The following RAB3IL1 variants were observed in gnomAD, a reference collection of about 807,000 sequenced individuals.
The protein encoded by RAB3IL1 is guanine nucleotide exchange factor for Rab-3A.
Under a neutral mutation model 49.2 loss-of-function variants are expected in RAB3IL1, and 37 were observed. The observed-to-expected ratio is 0.75, with a 90% CI of 0.58 to 0.99. RAB3IL1 has a LOEUF of 0.99. RAB3IL1 is among the 50% of genes least tolerant of loss of function. The probability of loss-of-function intolerance (pLI) is 0.00; values close to 1 mark genes in which losing one functional copy is unlikely to be tolerated. For synonymous variants in RAB3IL1, 193 were observed against 213.9 expected, an observed-to-expected ratio of 0.90 and a Z score of 0.85; for missense variants, 484 against 513.0, an observed-to-expected ratio of 0.94 and a Z score of 0.55.
intron 8 of RAB3IL1, 85 bp from the exon 9 acceptor site, chr11:61,899,465 G>GC (rs1938792386): frequency 7.4e-7 from 1 of 1,355,446 alleles, no homozygotes; most frequent in East Asian, 2.4e-5. Flanking sequence ...AGAGCAGGAG[G>GC]CCCCAGGTCC....
At chr11:61,899,030 A>T (rs1938759580) in intron 9 of RAB3IL1, 1 of 545,264 alleles carries the variant, frequency 1.8e-6, no homozygotes, top group Non-Finnish European at 3.5e-6. Context: ...GACCAGGAGG[A>T]GGGGCCACCA....
the RAB3IL1 span, among the ~76,000 whole-genome samples, chr11:61,941,937 A>G: frequency 6.6e-6 from 1 of 152,154 alleles, no homozygotes; most frequent in Admixed American, 6.6e-5. Context: ...AAGGCCAGGC[A>G]TGGTGGCTCA....
upstream of RAB3IL1, chr11:61,920,180 C>A: frequency 7.8e-7 from 1 of 1,289,736 alleles, no homozygotes; most frequent in Admixed American, 3.4e-5. Context: ...GCGTGCTCCT[C>A]AGAAGAGTCC....
chr11:61,925,270 T>G, the RAB3IL1 span, among the ~76,000 whole-genome samples: 1 of 152,140 alleles, frequency 6.6e-6, no homozygotes, highest in South Asian at 2.1e-4. Flanking sequence ...CACCAGTCAC[T>G]CTCTCAGGAG....
the RAB3IL1 span, among the ~76,000 whole-genome samples, chr11:61,935,431 A>G: frequency 1.6e-5 from 2 of 122,866 alleles, no homozygotes; most frequent in African/African-American, 2.9e-5. Context: ...AAAAAAAAAA[A>G]AAAAAAAGAA....
chr11:61,925,097 G>A (rs573177148), upstream of RAB3IL1, among the ~76,000 whole-genome samples: 17 of 152,280 alleles, frequency 1.1e-4, no homozygotes, highest in South Asian at 2.3e-3. Context: ...TCCTTGCAGC[G>A]GCCCGACAGT....
intron 1 of RAB3IL1, among the ~76,000 whole-genome samples, chr11:61,909,234 T>C (rs1330469468): frequency 1.3e-5 from 2 of 151,082 alleles, no homozygotes; most frequent in Admixed American, 6.6e-5. Context: ...GTGAGGGAAG[T>C]TGGGGGGAGG....
chr11:61,939,442 C>T, the RAB3IL1 span, among the ~76,000 whole-genome samples: 1 of 151,960 alleles, frequency 6.6e-6, no homozygotes, highest in Non-Finnish European at 1.5e-5. Context: ...CAATTAATAA[C>T]CTAAACTTCC....
At chr11:61,907,837 T>C (rs1939275450) in intron 2 of RAB3IL1, among the ~76,000 whole-genome samples, 177 bp from the exon 3 acceptor site, 1 of 152,218 alleles carries the variant, frequency 6.6e-6, no homozygotes, top group South Asian at 2.1e-4. Flanking sequence ...AGCATGAAGC[T>C]GAAGCCCTGC....
intron 8 of RAB3IL1, among the ~76,000 whole-genome samples, chr11:61,900,509 C>T (rs535493167): frequency 2.0e-5 from 3 of 152,210 alleles, no homozygotes; most frequent in East Asian, 1.9e-4. Flanking sequence ...GGGACCAGCC[C>T]GTCGTGGCAG....
chr11:61,934,450 GTATATATATATATATA>G, the RAB3IL1 span, among the ~76,000 whole-genome samples: 92 of 31,630 alleles, frequency 2.9e-3, 1 homozygote, highest in East Asian at 0.011. Context: ...GTGTGTGTAT[GTATATATATATATATA>G]TATATATATA....
chr11:61,926,213 G>T, the RAB3IL1 span, among the ~76,000 whole-genome samples: 1 of 150,784 alleles, frequency 6.6e-6, no homozygotes, highest in Non-Finnish European at 1.5e-5. Context: ...AAGAATTTGC[G>T]AAAATCAATA....
chr11:61,944,231 C>T, the RAB3IL1 span, among the ~76,000 whole-genome samples: 2 of 134,536 alleles, frequency 1.5e-5, no homozygotes, highest in South Asian at 2.7e-4. Flanking sequence ...TCCTTCCTTC[C>T]TTCCTTCCTT....
upstream of RAB3IL1, among the ~76,000 whole-genome samples, chr11:61,924,502 C>T (rs1181386574): frequency 6.6e-6 from 1 of 152,030 alleles, no homozygotes; most frequent in Non-Finnish European, 1.5e-5. Context: ...GGCCAGAGCT[C>T]CCCCAGTTCT....
chr11:61,920,258 T>TC, upstream of RAB3IL1: 1 of 1,235,064 alleles, frequency 8.1e-7, no homozygotes, highest in Non-Finnish European at 1.0e-6. Context: ...GGAGCCTTCT[T>TC]CCCCCCACCA....
At chr11:61,920,129 T>C (rs984753908), upstream of RAB3IL1, 53 of 1,348,948 alleles carry the variant, frequency 3.9e-5, no homozygotes, top group Non-Finnish European at 4.1e-5. Context: ...CCTGCACTCA[T>C]GGCCAGGAAC....
chr11:61,903,790 G>A (rs1308898000), intron 7 of RAB3IL1, among the ~76,000 whole-genome samples: 3 of 152,130 alleles, frequency 2.0e-5, no homozygotes, highest in African/African-American at 7.2e-5. Context: ...CTCCCAGAGT[G>A]CTGGGATTAC....
chr11:61,912,752 C>T (rs1939512394), intron 1 of RAB3IL1, among the ~76,000 whole-genome samples: 1 of 152,002 alleles, frequency 6.6e-6, no homozygotes, highest in African/African-American at 2.4e-5. Context: ...AGGCAAGAGG[C>T]AGATGGGGTT....
At chr11:61,905,395 G>C (rs916807945) in intron 5 of RAB3IL1, among the ~76,000 whole-genome samples, 3 of 152,132 alleles carry the variant, frequency 2.0e-5, no homozygotes, top group Non-Finnish European at 4.4e-5. Flanking sequence ...CCATTTACCT[G>C]TCGGGAAAAG....
Sources: allele counts gnomAD v4.1 joint callset (sites outside exome capture counted in the v4.1 genomes callset), GRCh38; gene constraint gnomAD v4.1.1; transcripts MANE v1.5; gene names NCBI Gene and HGNC (gene_info 2026-07-23, HGNC 2026-07-21).